The following DOCK2 variants were observed in gnomAD, a reference collection of about 807,000 sequenced individuals.
DOCK2 encodes the protein dedicator of cytokinesis 2.
Under a neutral mutation model 248.9 loss-of-function variants are expected in DOCK2, and 87 were observed. The observed-to-expected ratio is 0.35, with a 90% CI of 0.29 to 0.42. The LOEUF (loss-of-function observed/expected upper bound fraction) is 0.42. DOCK2 is among the 10% of genes least tolerant of loss of function. DOCK2 has a pLI of 1.00. For missense variants in DOCK2, 1,747 were observed against 2,300.2 expected (o/e 0.76, Z 4.92); for synonymous variants, 805 against 821.6 (o/e 0.98, Z 0.35).
Position 169,681,138 on chromosome 5 carries a change from T to C in DOCK2, c.471-606T>C, listed in dbSNP as rs80156533. Among the ~76,000 whole-genome samples the C allele has an allele frequency of 1.5e-4, 22 of 144,636 alleles. 1 individual carries two copies. In the East Asian group the frequency reaches 4.2e-3, roughly 28 times the overall value. The allele number at this position is 144,636 out of a possible 152,430, so 94.9% of individuals were successfully genotyped here. A position where few individuals can be genotyped will look rare whatever the true frequency, so the allele number is the denominator to read the frequency against. On this transcript the variant is annotated intron_variant, in intron 6 of 51. Coordinates refer to ENST00000520908, the MANE Select transcript of DOCK2 (RefSeq NM_004946.3). ...CTTTTTTTTTTTTTTTTTTTTTTTT[T>C]TCTGAGATGGAGTCTCGCTCTGTCA...
chr5:169,731,688 A>G (rs1762780532), intron 22 of DOCK2, among the ~76,000 whole-genome samples: 1 of 152,116 alleles, frequency 6.6e-6, no homozygotes, highest in African/African-American at 2.4e-5. Flanking sequence ...TCCTCAGAAT[A>G]AGGTTCTTCC....
Position 169,916,290 on chromosome 5 carries a change from G to C in DOCK2, c.2800-66778G>C, listed in dbSNP as rs187233344. Among the ~76,000 whole-genome samples the C allele has an allele frequency of 1.4e-3, 208 of 152,360 alleles. 1 individual carries two copies. Among genetic ancestry groups the C allele is most frequent in the Non-Finnish European group, 9.0e-4 (61 of 68,034 alleles). On this transcript the variant is annotated intron_variant, in intron 27 of 51. Transcript: ENST00000520908. The stretch of plus-strand genomic sequence containing the variant: ...GTGTGTTTGTCCAACAGGAGCCTGT[G>C]ACTTGGGATTTGTGTCTGCACATGC...
chr5:169,852,058 C>A (rs1256417966), intron 27 of DOCK2, among the ~76,000 whole-genome samples: 2 of 152,106 alleles, frequency 1.3e-5, no homozygotes, highest in African/African-American at 4.8e-5. Flanking sequence ...CACATAGGGA[C>A]TGCAGCTGTC....
At chr5:169,752,788 C>T (rs768338524) in intron 23 of DOCK2, among the ~76,000 whole-genome samples, 12 of 151,150 alleles carry the variant, frequency 7.9e-5, no homozygotes, top group African/African-American at 1.9e-4. Flanking sequence ...TAAATACTGC[C>T]GGGCGCCGTG....
At chr5:169,925,188 G>C (rs920273240) in intron 27 of DOCK2, among the ~76,000 whole-genome samples, 1 of 152,180 alleles carries the variant, frequency 6.6e-6, no homozygotes, top group African/African-American at 2.4e-5. Flanking sequence ...GTAGTAGGGA[G>C]CTGAGGACTA....
intron 2 of DOCK2, among the ~76,000 whole-genome samples, chr5:169,661,913 G>A (rs1170160206): frequency 6.6e-6 from 1 of 152,196 alleles, no homozygotes; most frequent in East Asian, 1.9e-4. Flanking sequence ...GAATAATGCT[G>A]TAACGAATAT....
intron 30 of DOCK2, among the ~76,000 whole-genome samples, chr5:169,999,330 T>C (rs767454047): frequency 4.6e-5 from 7 of 152,164 alleles, no homozygotes; most frequent in Non-Finnish European, 1.0e-4. Context: ...AGCTATATCA[T>C]TGGATTGTTG....
In DOCK2 at chr5:169,708,207, T is replaced by A; in HGVS notation, c.1422T>A (p.Asn474Lys). Reference sequence around the variant, plus strand: ...TGGGAGCAGGGGACAAGCCCATGAATGAGTATCGCTCCGTTGTGTACTATC... The same window carrying A: ...TGGGAGCAGGGGACAAGCCCATGAAAGAGTATCGCTCCGTTGTGTACTATC... The part of the protein sequence containing the change: ...ICVGAGDKPM[N>K]EYRSVVYYQV... The change falls in exon 15 of 52, where the codon AAT becomes AAA. Residue 474 changes from asparagine to lysine, a missense_variant. Asn to Lys is a moderately conservative substitution (Grantham distance 94, BLOSUM62 0). Coordinates refer to ENST00000520908, the MANE Select transcript of DOCK2 (RefSeq NM_004946.3). 1 of 1,614,004 alleles carries A rather than the reference T, an allele frequency of 6.2e-7. No individual in the cohort carries two copies. The highest frequency in any genetic ancestry group is 8.5e-7 in the Non-Finnish European group (1 of 1,179,958).
chr5:169,810,989 T>TCTCA (rs1317820236), intron 26 of DOCK2, among the ~76,000 whole-genome samples: 33 of 97,322 alleles, frequency 3.4e-4, no homozygotes, highest in Non-Finnish European at 4.8e-4. Context: ...TCTCTCTCTC[T>TCTCA]CACACACACA....
intron 32 of DOCK2, among the ~76,000 whole-genome samples, chr5:170,016,527 A>G (rs17071956): frequency 0.018 from 2,702 of 152,332 alleles, 81 homozygotes; most frequent in African/African-American, 0.058. Flanking sequence ...GTCACACTGT[A>G]TTTGGAGATC....
intron 35 of DOCK2, 110 bp downstream of exon 35, chr5:170,034,665 G>A: frequency 1.4e-6 from 2 of 1,429,634 alleles, no homozygotes; most frequent in Non-Finnish European, 1.9e-6. Context: ...TAAGGGCTTT[G>A]GAAAGCAGAC....
intron 29 of DOCK2, among the ~76,000 whole-genome samples, chr5:169,993,549 T>TTGTGTGTGTG (rs10626609): frequency 0.041 from 6,125 of 149,346 alleles, 352 homozygotes; most frequent in African/African-American, 0.13. Context: ...TCACATCCAT[T>TTGTGTGTGTG]TGTGTGTGTG....
chr5:169,963,201 C>T (rs1777160536), intron 27 of DOCK2, among the ~76,000 whole-genome samples: 1 of 152,160 alleles, frequency 6.6e-6, no homozygotes, highest in Non-Finnish European at 1.5e-5. Context: ...ATAATGTTGC[C>T]TCTTTAAAGT....
intron 22 of DOCK2, among the ~76,000 whole-genome samples, chr5:169,734,729 T>C (rs1328653221): frequency 1.3e-5 from 2 of 152,234 alleles, no homozygotes; most frequent in Non-Finnish European, 1.5e-5. Flanking sequence ...CCTTCCTGTT[T>C]CCTTTTGTGC....
At chr5:169,993,368 C>T (rs1166043700) in intron 29 of DOCK2, among the ~76,000 whole-genome samples, 2 of 152,216 alleles carry the variant, frequency 1.3e-5, no homozygotes, top group Non-Finnish European at 2.9e-5. Context: ...TGTTGTCTGG[C>T]TCTTGCCTTT....
At chr5:169,969,649 T>C (rs903873796) in intron 27 of DOCK2, among the ~76,000 whole-genome samples, 2 of 152,064 alleles carry the variant, frequency 1.3e-5, no homozygotes, top group Non-Finnish European at 2.9e-5. Context: ...GTAGGAAAGG[T>C]CACACGTGCA....
intron 26 of DOCK2, among the ~76,000 whole-genome samples, chr5:169,826,578 C>T (rs917642656): frequency 3.9e-5 from 6 of 152,042 alleles, no homozygotes; most frequent in African/African-American, 1.4e-4. Flanking sequence ...AGATCATAAT[C>T]AGAATTCCAG....
chr5:169,848,372 C>T (rs957470031), intron 27 of DOCK2, among the ~76,000 whole-genome samples: 2 of 152,216 alleles, frequency 1.3e-5, no homozygotes, highest in Non-Finnish European at 2.9e-5. Flanking sequence ...TGTCTCCAGT[C>T]ATCTGTGCTC....
intron 44 of DOCK2, among the ~76,000 whole-genome samples, chr5:170,060,530 C>T (rs1453738980): frequency 2.0e-5 from 3 of 152,292 alleles, no homozygotes; most frequent in African/African-American, 7.2e-5. Context: ...GCTTGCAGTT[C>T]TCCAAGTTTT....
Sources: allele counts gnomAD v4.1 joint callset (sites outside exome capture counted in the v4.1 genomes callset), GRCh38; gene constraint gnomAD v4.1.1; transcripts MANE v1.5; gene names NCBI Gene and HGNC (gene_info 2026-07-23, HGNC 2026-07-21).